STX8: variants seen among roughly 807,000 people sequenced by gnomAD.
STX8 encodes the protein syntaxin 8.
Under a neutral mutation model 37.5 loss-of-function variants are expected in STX8, and 23 were observed. The ratio of observed to expected loss-of-function variants is 0.61; its 90% confidence interval spans 0.44 to 0.87. The LOEUF (loss-of-function observed/expected upper bound fraction) is 0.87, where lower values mean the gene tolerates loss of function less well. Among genes scored for constraint, STX8 ranks in the 40% least tolerant of loss-of-function variants. The pLI is 0.00. For missense variants in STX8, 313 were observed against 284.7 expected, an observed-to-expected ratio of 1.10 and a Z score of -0.71; for synonymous variants, 115 against 99.1, an observed-to-expected ratio of 1.16 and a Z score of -0.95.
At chr17:9,497,575 A>AC (rs1383744568) in intron 5 of STX8, among the ~76,000 whole-genome samples, 1 of 151,430 alleles carries the variant, frequency 6.6e-6, no homozygotes, top group Non-Finnish European at 1.5e-5. Context: ...GATGAGTAGG[A>AC]CAAAGTCATT....
chr17:9,575,776 C>G lies in STX8; in HGVS notation c.17+16G>C. The G allele has an allele frequency of 6.5e-7, 1 of 1,546,396 alleles. No homozygotes were observed. On this transcript the variant is annotated intron_variant, in intron 1 of 7. Coordinates refer to ENST00000306357, the MANE Select transcript of STX8 (RefSeq NM_004853.3). ...GAAGGTCCCTCCACGCACCGCCGCC[C>G]TCACCCGGGACTCACCAGGGGTCCG... is the stretch of plus-strand genomic sequence containing the variant.
intron 7 of STX8, among the ~76,000 whole-genome samples, chr17:9,342,195 C>T (rs947395366): frequency 6.6e-6 from 1 of 152,184 alleles, no homozygotes; most frequent in African/African-American, 2.4e-5. Flanking sequence ...AATGCTGCCA[C>T]TGATCTGACA....
intron 7 of STX8, among the ~76,000 whole-genome samples, chr17:9,323,054 AG>A (rs1171856351): frequency 1.3e-5 from 2 of 152,134 alleles, no homozygotes; most frequent in Non-Finnish European, 2.9e-5. Flanking sequence ...CTTAAAAAAT[AG>A]GGGGTCTTTT....
At position 9,559,760 on chromosome 17, in the gene STX8, A is replaced by ATATT; in HGVS notation, c.118-2233_118-2232insAATA. 2.9e-3 allele frequency among the ~76,000 whole-genome samples: 70 copies of ATATT among 24,496 alleles called. 3 individuals are homozygous for ATATT. The highest frequency in any genetic ancestry group is 0.01 in the African/African-American group (53 of 5,236). 16.1% of individuals were successfully genotyped at this position (24,496 alleles called of 152,430 possible). A position where few individuals can be genotyped will look rare whatever the true frequency, so the allele number is the denominator to read the frequency against. The stretch of plus-strand genomic sequence containing the variant: ...TATATATATATATATATATATATAT[A>ATATT]TTTTTTTTTTTTTTTTTTTTGAGAC... On this transcript the variant is annotated intron_variant, in intron 2 of 7. Coordinates refer to ENST00000306357, the MANE Select transcript of STX8 (RefSeq NM_004853.3).
intron 4 of STX8, among the ~76,000 whole-genome samples, chr17:9,512,466 C>CT (rs763396603): frequency 2.2e-3 from 327 of 145,368 alleles, no homozygotes; most frequent in Non-Finnish European, 2.4e-3. Context: ...GCCAACTGAT[C>CT]TTTTTTTTTT....
chr17:9,465,653 G>A (rs1294428746), intron 6 of STX8, among the ~76,000 whole-genome samples: 2 of 152,330 alleles, frequency 1.3e-5, no homozygotes, highest in East Asian at 3.9e-4. Context: ...CAGCACGCCT[G>A]TCATCACAGA....
chr17:9,532,529 G>C (rs1265041495), intron 4 of STX8, among the ~76,000 whole-genome samples: 1 of 152,108 alleles, frequency 6.6e-6, no homozygotes, highest in East Asian at 1.9e-4. Context: ...TGCTTCTGGG[G>C]AAGAAAATGG....
chr17:9,313,137 G>A (rs1006169879), intron 7 of STX8, among the ~76,000 whole-genome samples: 9 of 152,088 alleles, frequency 5.9e-5, no homozygotes, highest in Admixed American at 5.9e-4. Context: ...GTTATGGTGA[G>A]CCGAGATCAC....
chr17:9,463,280 T>A (rs1905470378), intron 6 of STX8, among the ~76,000 whole-genome samples: 1 of 152,176 alleles, frequency 6.6e-6, no homozygotes, highest in Non-Finnish European at 1.5e-5. Context: ...TTAAATACAA[T>A]AATTTACGTA....
chr17:9,274,113 A>G (rs1426026565), intron 7 of STX8, among the ~76,000 whole-genome samples: 1 of 152,164 alleles, frequency 6.6e-6, no homozygotes, highest in Non-Finnish European at 1.5e-5. Context: ...TTTTCTTATG[A>G]AAAGTGTCAA....
At chr17:9,526,077 C>A (rs1489593001) in intron 4 of STX8, among the ~76,000 whole-genome samples, 1 of 152,128 alleles carries the variant, frequency 6.6e-6, no homozygotes, top group African/African-American at 2.4e-5. Context: ...TAATACTGTC[C>A]CTGCAAGTGT....
At chr17:9,369,305 G>A (rs1470989873) in intron 7 of STX8, among the ~76,000 whole-genome samples, 3 of 152,028 alleles carry the variant, frequency 2.0e-5, no homozygotes, top group East Asian at 3.8e-4. Flanking sequence ...ACACAAGAAT[G>A]TAAAGAAAAA....
At chr17:9,465,780 C>A (rs1054265152) in intron 6 of STX8, among the ~76,000 whole-genome samples, 1 of 152,188 alleles carries the variant, frequency 6.6e-6, no homozygotes, top group African/African-American at 2.4e-5. Context: ...TGCACTGAGC[C>A]CTGCATATAC....
chr17:9,560,978 A>T (rs1174107947), intron 2 of STX8, among the ~76,000 whole-genome samples: 1 of 152,218 alleles, frequency 6.6e-6, no homozygotes, highest in Non-Finnish European at 1.5e-5. Flanking sequence ...ATTAAATATG[A>T]ACTATTTCAT....
chr17:9,313,857 C>T (rs1281787980), intron 7 of STX8, among the ~76,000 whole-genome samples: 1 of 152,170 alleles, frequency 6.6e-6, no homozygotes, highest in African/African-American at 2.4e-5. Context: ...GTCTCGATCT[C>T]CTGACCTCGT....
At chr17:9,525,523 T>C (rs1229655298) in intron 4 of STX8, among the ~76,000 whole-genome samples, 3 of 152,004 alleles carry the variant, frequency 2.0e-5, no homozygotes, top group Non-Finnish European at 4.4e-5. Flanking sequence ...ATTTTTTGTA[T>C]TTTTAGTAGA....
intron 6 of STX8, among the ~76,000 whole-genome samples, chr17:9,436,859 AT>A (rs964656472): frequency 1.3e-5 from 2 of 152,106 alleles, no homozygotes; most frequent in Non-Finnish European, 2.9e-5. Context: ...ATTGACTCAC[AT>A]TTTTCAAACG....
At chr17:9,324,126 TCACACACACACA>T (rs35942102) in intron 7 of STX8, among the ~76,000 whole-genome samples, 12 of 135,510 alleles carry the variant, frequency 8.9e-5, no homozygotes, top group South Asian at 2.2e-4. Flanking sequence ...TCTCTCTCTC[TCACACACACACA>T]CACACACACA....
chr17:9,432,297 G>C (rs1000414904), intron 6 of STX8, among the ~76,000 whole-genome samples: 1 of 152,052 alleles, frequency 6.6e-6, no homozygotes, highest in Non-Finnish European at 1.5e-5. Context: ...CCTCACATAC[G>C]GCCAGAGCTT....
Sources: gnomAD v4.1 joint callset for allele counts (sites outside exome capture counted in the v4.1 genomes callset) on GRCh38, gnomAD v4.1.1 for gene constraint, MANE v1.5 for transcripts, NCBI Gene and HGNC (gene_info 2026-07-23, HGNC 2026-07-21) for gene names.